SERPINI2: variants seen among roughly 807,000 people sequenced by gnomAD.
SERPINI2 encodes serpin family I member 2, also known as serpin I2.
SERPINI2 carries 48 observed loss-of-function variants against 47.3 expected under a neutral mutation model. The observed-to-expected ratio is 1.02, with a 90% CI of 0.81 to 1.29. The LOEUF (loss-of-function observed/expected upper bound fraction) is 1.29. Ranked by LOEUF, SERPINI2 falls within the 50% of genes most tolerant of loss-of-function variation. The pLI, the probability that SERPINI2 is intolerant of heterozygous loss-of-function variation, is 0.00. For missense variants in SERPINI2, 448 were observed against 456.9 expected (o/e 0.98, Z 0.18); for synonymous variants, 135 against 149.3 (o/e 0.90, Z 0.70).
chr3:167,455,982 G>A (rs1418517916), intron 5 of SERPINI2, among the ~76,000 whole-genome samples: 3 of 152,084 alleles, frequency 2.0e-5, no homozygotes, highest in Non-Finnish European at 4.4e-5. Flanking sequence ...TTTGGGTGGG[G>A]ACATAAATCC....
intron 5 of SERPINI2, among the ~76,000 whole-genome samples, chr3:167,462,087 T>C (rs34924930): frequency 0.097 from 14,826 of 152,170 alleles, 745 homozygotes; most frequent in Non-Finnish European, 0.11. Flanking sequence ...GTTGCAATGG[T>C]AGGCTAAGTA....
intron 5 of SERPINI2, among the ~76,000 whole-genome samples, chr3:167,454,015 T>A (rs995006272): frequency 5.3e-5 from 8 of 152,318 alleles, no homozygotes; most frequent in Middle Eastern, 3.4e-3. Context: ...CTATATATAT[T>A]TCCTACATCA....
chr3:167,455,602 AAAAAGAAAAGAAAAG>A (rs1553855172), intron 5 of SERPINI2, among the ~76,000 whole-genome samples: 3 of 150,872 alleles, frequency 2.0e-5, no homozygotes, highest in Non-Finnish European at 4.4e-5. Context: ...TCAAAAAAAA[AAAAAGAAAAGAAAAG>A]AAAAGAAAAG....
chr3:167,443,396 C>T (rs925396967), intron 8 of SERPINI2, among the ~76,000 whole-genome samples: 4 of 152,160 alleles, frequency 2.6e-5, no homozygotes, highest in East Asian at 1.9e-4. Context: ...CGTGAGCCAC[C>T]GCGCCTGGCC....
chr3:167,450,374 G>A (rs964413623), intron 6 of SERPINI2, among the ~76,000 whole-genome samples: 5 of 152,136 alleles, frequency 3.3e-5, no homozygotes, highest in African/African-American at 1.2e-4. Flanking sequence ...CTGGTAGAGT[G>A]AATTGCAAGT....
exon 8 of SERPINI2, chr3:167,446,434 C>T (rs746427788): frequency 2.5e-6 from 4 of 1,610,388 alleles, no homozygotes; most frequent in East Asian, 2.2e-5. Flanking sequence ...GGATGATTTG[C>T]TATAAATTGG....
At chr3:167,466,952 T>C (rs1750150308) in intron 3 of SERPINI2, 103 bp downstream of exon 3, 1 of 672,784 alleles carries the variant, frequency 1.5e-6, no homozygotes, top group Non-Finnish European at 2.4e-6. Flanking sequence ...ATTCCTCTGA[T>C]CCATACTGCA....
chr3:167,457,841 G>C (rs1461222126), intron 5 of SERPINI2, among the ~76,000 whole-genome samples: 2 of 152,162 alleles, frequency 1.3e-5, no homozygotes, highest in Admixed American at 6.5e-5. Context: ...ATATTGCATG[G>C]AGAGATCAGA....
At chr3:167,465,057 A>G in intron 5 of SERPINI2, 149 bp downstream of exon 5, 1 of 682,048 alleles carries the variant, frequency 1.5e-6, no homozygotes, top group Non-Finnish European at 2.4e-6. Context: ...CTGCTTTAGT[A>G]TCCAAAAGTA....
At chr3:167,450,035 T>C (rs1387315101) in intron 6 of SERPINI2, among the ~76,000 whole-genome samples, 1 of 152,218 alleles carries the variant, frequency 6.6e-6, no homozygotes, top group African/African-American at 2.4e-5. Context: ...CCATTGTCTA[T>C]AGACAGAATG....
rs536122299 is a variant in SERPINI2, at chr3:167,459,078, GT to G, written c.867-6046del. ...CTTCAACCAAAGGAAGTTTTTTTTT[GT>G]TTTTTTTTTTTTTGAGACGGAGTCT... On this transcript the variant is annotated intron_variant, in intron 5 of 8. Coordinates refer to ENST00000264677, the Ensembl canonical transcript of SERPINI2. 3.1e-3 allele frequency among the ~76,000 whole-genome samples: 424 copies of G among 138,992 alleles called. 3 individuals carry two copies. The highest frequency in any genetic ancestry group is 7.6e-3 in the Middle Eastern group (2 of 264). 91.2% of individuals were successfully genotyped at this position (138,992 alleles called of 152,430 possible).
At position 167,442,190 on chromosome 3, in the gene SERPINI2, G is replaced by T; in HGVS notation, c.1142-5C>A. 6.4e-7 allele frequency: 1 copy of T among 1,554,606 alleles called. No homozygotes were observed. Among genetic ancestry groups the T allele is most frequent in the Non-Finnish European group, 8.6e-7 (1 of 1,156,632 alleles). On this transcript the variant is annotated splice_polypyrimidine_tract_variant and splice_region_variant and intron_variant, in intron 8 of 8. Coordinates refer to ENST00000264677, the Ensembl canonical transcript of SERPINI2. The stretch of plus-strand genomic sequence containing the variant: ...TTCCCATAAACAGAATTGATTCTAG[G>T]GAAAAAAAAACAAAAAAATATACTT...
rs188385530 is a variant in SERPINI2, at chr3:167,474,102, A to G, written c.-110T>C. On this transcript the variant is annotated 5_prime_UTR_variant, in exon 1 of 9. Coordinates refer to ENST00000264677, the Ensembl canonical transcript of SERPINI2. ...CACCTGAGCGATCAAGGCCAACTCC[A>G]TTTATCTTGACCATTGCTTGATTAA... 3.5e-5 allele frequency: 35 copies of G among 1,008,236 alleles called. No homozygotes were observed. The African/African-American group carries it at 5.1e-4, about 15-fold the overall frequency. The allele number at this position is 1,008,236 out of a possible 1,614,324, so 62.5% of individuals were successfully genotyped here. A position where few individuals can be genotyped will look rare whatever the true frequency, so the allele number is the denominator to read the frequency against.
chr3:167,469,499 G>GTC (rs1163469086), intron 2 of SERPINI2: 1 of 152,168 alleles, frequency 6.6e-6, no homozygotes, highest in Non-Finnish European at 1.5e-5. Flanking sequence ...AGCTTCACAA[G>GTC]TGACATGACT....
At chr3:167,445,580 T>C (rs1181772704) in intron 8 of SERPINI2, among the ~76,000 whole-genome samples, 1 of 152,216 alleles carries the variant, frequency 6.6e-6, no homozygotes, top group Non-Finnish European at 1.5e-5. Context: ...GGGAAACTGA[T>C]ACTATGTGCA....
chr3:167,448,647 C>T (rs1480220159), intron 7 of SERPINI2, among the ~76,000 whole-genome samples: 2 of 152,112 alleles, frequency 1.3e-5, no homozygotes, highest in South Asian at 2.1e-4. Context: ...CTCAGCCTCC[C>T]GAGTAGCTGG....
intron 5 of SERPINI2, among the ~76,000 whole-genome samples, chr3:167,458,245 CTTTTTTT>C (rs949215365): frequency 1.3e-3 from 140 of 105,200 alleles, no homozygotes; most frequent in Non-Finnish European, 2.3e-3. Context: ...GAATTTCTTT[CTTTTTTT>C]TTTTTTTTTT....
chr3:167,462,884 A>G (rs558885037), intron 5 of SERPINI2, among the ~76,000 whole-genome samples: 23 of 152,312 alleles, frequency 1.5e-4, no homozygotes, highest in African/African-American at 5.3e-4. Flanking sequence ...GACAGCTTGG[A>G]CAGATTTTTG....
chr3:167,466,887 C>T (rs1750147995), intron 3 of SERPINI2, among the ~76,000 whole-genome samples, 168 bp downstream of exon 3: 1 of 151,914 alleles, frequency 6.6e-6, no homozygotes, highest in Non-Finnish European at 1.5e-5. Context: ...AATTTCTTTC[C>T]AGTTTTACAA....
Sources: allele counts gnomAD v4.1 joint callset (sites outside exome capture counted in the v4.1 genomes callset), GRCh38; gene constraint gnomAD v4.1.1; transcripts MANE v1.5; gene names NCBI Gene and HGNC (gene_info 2026-07-23, HGNC 2026-07-21).